CD6: variants seen among roughly 807,000 people sequenced by gnomAD.
CD6 encodes the protein CD6 molecule.
A neutral mutation model predicts 75.3 loss-of-function variants in CD6; 53 were observed. The ratio of observed to expected loss-of-function variants is 0.70; its 90% CI spans 0.56 to 0.88. The LOEUF (loss-of-function observed/expected upper bound fraction) is 0.88, where lower values mean the gene tolerates loss of function less well. Among genes scored for constraint, CD6 ranks in the 40% least tolerant of loss-of-function variants. The pLI, the probability that CD6 is intolerant of heterozygous loss-of-function variation, is 0.00. For synonymous variants in CD6, 359 were observed against 381.5 expected, an observed-to-expected ratio of 0.94 and a Z score of 0.69; for missense variants, 770 against 897.1, an observed-to-expected ratio of 0.86 and a Z score of 1.81.
intron 1 of CD6, among the ~76,000 whole-genome samples, chr11:60,993,430 C>T (rs953895174): frequency 6.6e-6 from 1 of 151,224 alleles, no homozygotes; most frequent in African/African-American, 2.4e-5. Context: ...CTACCAAGGG[C>T]CAAACGAGAG....
At chr11:61,017,255 A>G in intron 9 of CD6, 1 of 561,908 alleles carries the variant, frequency 1.8e-6, no homozygotes, top group Non-Finnish European at 3.2e-6. Context: ...GGGGGGTTGT[A>G]GGGCACTAGA....
intron 6 of CD6, among the ~76,000 whole-genome samples, chr11:61,012,183 G>T (rs1352244404): frequency 6.6e-6 from 1 of 152,198 alleles, no homozygotes; most frequent in Non-Finnish European, 1.5e-5. Context: ...ATGTACAACT[G>T]CACAGGCTGC....
At chr11:60,980,663 T>C (rs750227929) in intron 1 of CD6, among the ~76,000 whole-genome samples, 2 of 152,028 alleles carry the variant, frequency 1.3e-5, no homozygotes, top group Non-Finnish European at 2.9e-5. Flanking sequence ...ACCCCGTCCC[T>C]AGTAAAGAAA....
intron 1 of CD6, among the ~76,000 whole-genome samples, chr11:60,989,883 T>C (rs1298237543): frequency 1.3e-5 from 2 of 152,184 alleles, no homozygotes; most frequent in African/African-American, 4.8e-5. Context: ...GATTCAAGAA[T>C]TTAAAACTAT....
chr11:60,981,376 T>TGGGCCGG (rs1250477853), intron 1 of CD6, among the ~76,000 whole-genome samples: 1 of 152,200 alleles, frequency 6.6e-6, no homozygotes, highest in Non-Finnish European at 1.5e-5. Context: ...GGGTAGGGTT[T>TGGGCCGG]GGGCCGGGGA....
intron 9 of CD6, chr11:61,017,056 C>A (rs930278465): frequency 2.1e-5 from 4 of 194,406 alleles, no homozygotes; most frequent in Non-Finnish European, 4.3e-5. Flanking sequence ...ATCTCTGATT[C>A]TGAAACGTGA....
intron 1 of CD6, among the ~76,000 whole-genome samples, chr11:61,002,505 C>T (rs1204426384): frequency 4.6e-5 from 7 of 151,788 alleles, no homozygotes; most frequent in African/African-American, 1.5e-4. Flanking sequence ...TGCAATGAGC[C>T]GAGATCACGC....
Position 61,015,765 on chromosome 11 carries a change from T to G in CD6, c.1440T>G (p.Ser480=). Reference sequence around the variant, plus strand: ...CCCCGCCCCCTGAGGACTCAGACTCTGGCTCGGACTCAGACTATGAGCACT... The same window carrying G: ...CCCCGCCCCCTGAGGACTCAGACTCGGGCTCGGACTCAGACTATGAGCACT... ...VQAPPPEDSD[S]GSDSDYEHYD... is the part of the protein sequence containing the mutation. The change falls in exon 9 of 13, where the codon TCT becomes TCG. Residue 480 remains serine, a synonymous_variant. Transcript: ENST00000313421. 6.2e-7 allele frequency: 1 copy of G among 1,614,208 alleles called. No homozygotes were observed. Among genetic ancestry groups the G allele is most frequent in the African/African-American group, 1.3e-5 (1 of 75,058 alleles).
Position 61,020,259 on chromosome 11 carries a change from G to A in CD6, c.*941G>A, listed in dbSNP as rs1859608962. 3 of 398,848 alleles carry A rather than the reference G, an allele frequency of 7.5e-6. No individual in the cohort carries two copies. In the Admixed American group the frequency reaches 1.3e-4, roughly 18 times the overall value. The allele number at this position is 398,848 out of a possible 1,614,324, so 24.7% of individuals were successfully genotyped here. On this transcript the variant is annotated 3_prime_UTR_variant, in exon 13 of 13. Coordinates refer to ENST00000313421, the MANE Select transcript of CD6 (RefSeq NM_006725.5). Reference sequence around the variant, plus strand: ...TGGGAGGGATGCGTGACTATGTGGTGTTGCACCCGGGGCTGCAAACGTCTC... The same window carrying A: ...TGGGAGGGATGCGTGACTATGTGGTATTGCACCCGGGGCTGCAAACGTCTC...
intron 3 of CD6, among the ~76,000 whole-genome samples, 176 bp downstream of exon 3, chr11:61,008,086 G>A (rs1045400138): frequency 5.9e-5 from 9 of 151,994 alleles, no homozygotes; most frequent in Non-Finnish European, 1.0e-4. Flanking sequence ...GTCATTTCCA[G>A]ATCTGAGCGT....
At chr11:60,987,812 ACT>A (rs1857886493) in intron 1 of CD6, 1 of 151,958 alleles carries the variant, frequency 6.6e-6, no homozygotes, top group East Asian at 1.9e-4. Context: ...TTCCCTCCTA[ACT>A]CTGTTTTTTT....
Position 61,007,565 on chromosome 11 carries a change from C to A in CD6, c.124C>A (p.Arg42=). 2.0e-6 allele frequency: 3 copies of A among 1,494,718 alleles called. No individual in the cohort carries two copies. The highest frequency in any genetic ancestry group is 2.2e-5 in the Admixed American group (1 of 44,632). 92.6% of individuals were successfully genotyped at this position (1,494,718 alleles called of 1,614,324 possible). A position where few individuals can be genotyped will look rare whatever the true frequency, so the allele number is the denominator to read the frequency against. The change falls in exon 3 of 13, where the codon CGG becomes AGG. Residue 42 remains arginine (R), a synonymous_variant. Coordinates refer to ENST00000313421, the MANE Select transcript of CD6 (RefSeq NM_006725.5). The surrounding 1 kb of genome is among the most constrained non-coding windows in gnomAD (Gnocchi z 4.2). ...AESELWEPGE[R]LPVRLTNGSS... is the part of the protein sequence containing the mutation. ...CTCTGGTCTGACACTTCCAGGGGAG[C>A]GGCTTCCGGTCCGTCTGACAAACGG...
chr11:60,972,060 T>G, intron 1 of CD6, 146 bp downstream of exon 1: 2 of 835,150 alleles, frequency 2.4e-6, no homozygotes, highest in Non-Finnish European at 3.9e-6. Context: ...AGGTCCAGCA[T>G]CTGGGGCTAG....
In CD6 at chr11:60,983,247, C is replaced by A. The variant is rs140747509; in HGVS notation, c.49+11333C>A. On this transcript the variant is annotated intron_variant, in intron 1 of 12. Coordinates refer to ENST00000313421, the MANE Select transcript of CD6 (RefSeq NM_006725.5). Reference sequence around the variant, plus strand: ...GAGTAGCTGGGACTACAGTCCCGCACCACCACGCTAGTTTTTGTATTTTTA... The same window carrying A: ...GAGTAGCTGGGACTACAGTCCCGCAACACCACGCTAGTTTTTGTATTTTTA... Among the ~76,000 whole-genome samples the A allele has an allele frequency of 3.2e-4, 48 of 152,112 alleles. No individual in the cohort carries two copies. The East Asian group carries it at 7.4e-3, about 23-fold the overall frequency.
At chr11:60,986,655 G>A (rs891599968) in intron 1 of CD6, among the ~76,000 whole-genome samples, 8 of 152,112 alleles carry the variant, frequency 5.3e-5, no homozygotes, top group Non-Finnish European at 1.2e-4. Context: ...AGTGAAAGAG[G>A]GACACATCTC....
chr11:60,976,720 G>A (rs945847940), intron 1 of CD6, among the ~76,000 whole-genome samples: 2 of 152,192 alleles, frequency 1.3e-5, no homozygotes, highest in African/African-American at 4.8e-5. Flanking sequence ...CTGTGTTGCT[G>A]ATGGATGCGC....
rs2074233 is a variant in CD6, at chr11:61,017,992, G to A, written c.1816G>A (p.Gly606Ser). Residue 606 changes from glycine (G) to serine (S), a missense_variant, in exon 11 of 13, where the codon GGC becomes AGC. Coordinates refer to ENST00000313421, the MANE Select transcript of CD6 (RefSeq NM_006725.5). ...GCAGCCCCCAAACTTGGAGCTGGCCGGCACCCAGCCAGCCTTTTCAGGTAA... is the reference window on the plus strand; with the variant it reads ...GCAGCCCCCAAACTTGGAGCTGGCCAGCACCCAGCCAGCCTTTTCAGGTAA... ...LEQPPNLELAGTQPAFSAGPP... is the reference protein window; with the variant it reads ...LEQPPNLELASTQPAFSAGPP... 349,647 of 1,611,604 alleles carry A rather than the reference G, an allele frequency of 0.22. 41,821 individuals carry two copies. Among genetic ancestry groups the A allele is most frequent in the Middle Eastern group, 0.33 (1,691 of 5,140 alleles).
chr11:60,979,306 G>GGTCAAGTGT (rs1477455235), intron 1 of CD6, among the ~76,000 whole-genome samples: 1 of 152,186 alleles, frequency 6.6e-6, no homozygotes, highest in Admixed American at 6.5e-5. Context: ...CAACAGATGG[G>GGTCAAGTGT]GTCAAGTGTG....
At chr11:60,980,473 G>T (rs1857520202) in intron 1 of CD6, among the ~76,000 whole-genome samples, 1 of 152,044 alleles carries the variant, frequency 6.6e-6, no homozygotes, top group Non-Finnish European at 1.5e-5. Flanking sequence ...CTGCACTCCA[G>T]CCTGGACAAC....
Sources: gnomAD v4.1 joint callset for allele counts (sites outside exome capture counted in the v4.1 genomes callset) on GRCh38, gnomAD v4.1.1 for gene constraint, Gnocchi (gnomAD v3.1) non-coding constraint, MANE v1.5 for transcripts, NCBI Gene and HGNC (gene_info 2026-07-23, HGNC 2026-07-21) for gene names.